ZNF273: variants seen among roughly 807,000 people sequenced by gnomAD.
The protein encoded by ZNF273 is zinc finger protein 9.
Under a neutral mutation model 14.9 loss-of-function variants are expected in ZNF273, and 11 were observed. The observed-to-expected ratio is 0.74, with a 90% CI of 0.46 to 1.22. ZNF273 has a LOEUF of 1.22. Among genes scored for constraint, ZNF273 ranks in the 50% most tolerant of loss-of-function variants. The pLI, the probability that ZNF273 is intolerant of heterozygous loss-of-function variation, is 0.00. For missense variants in ZNF273, 577 were observed against 660.6 expected (o/e 0.87, Z 1.39); for synonymous variants, 199 against 223.9 (o/e 0.89, Z 0.99).
chr7:64,895,000 G>A (rs376757685), intron 3 of ZNF273, among the ~76,000 whole-genome samples: 2 of 152,144 alleles, frequency 1.3e-5, no homozygotes, highest in Non-Finnish European at 2.9e-5. Context: ...AGCTGGGCAT[G>A]GCAGCGTGTA....
At chr7:64,894,402 T>C (rs1203667767), downstream of ZNF273, among the ~76,000 whole-genome samples, 1 of 152,218 alleles carries the variant, frequency 6.6e-6, no homozygotes, top group African/African-American at 2.4e-5. Flanking sequence ...AACTTTATTA[T>C]GTTTTAGGTA....
Position 64,888,710 on chromosome 7 carries a change from G to T in ZNF273, n.411G>T. On this transcript the variant is annotated non_coding_transcript_exon_variant, in exon 2 of 2. Coordinates refer to the ZNF273 transcript ENST00000471926. ...GGGGTGAGAGGTCCGGCTCCTGGAG[G>T]ACAGCGGGATGGGAGAGTCCCGTTC... is the stretch of plus-strand genomic sequence containing the variant. 7.1e-6 allele frequency: 7 copies of T among 985,734 alleles called. No individual in the cohort carries two copies. In the South Asian group the frequency reaches 3.3e-4, roughly 46 times the overall value. 61.1% of individuals were successfully genotyped at this position (985,734 alleles called of 1,614,324 possible).
chr7:64,883,275 G>T (rs1222804762), downstream of ZNF273, among the ~76,000 whole-genome samples: 3 of 146,286 alleles, frequency 2.1e-5, no homozygotes, highest in Non-Finnish European at 4.5e-5. Flanking sequence ...CACCCAAGAA[G>T]AGAAACCTCC....
chr7:64,898,366 T>TAAAC (rs1792488205), upstream of ZNF273, among the ~76,000 whole-genome samples: 1 of 152,180 alleles, frequency 6.6e-6, no homozygotes, highest in East Asian at 1.9e-4. Context: ...AACACTCGTT[T>TAAAC]GAGTGTTCTT....
downstream of ZNF273, among the ~76,000 whole-genome samples, chr7:64,932,694 G>A (rs1368419024): frequency 6.6e-6 from 1 of 152,032 alleles, no homozygotes; most frequent in African/African-American, 2.4e-5. Context: ...GCCTGAGCTG[G>A]GTGGATTACT....
downstream of ZNF273, among the ~76,000 whole-genome samples, chr7:64,882,020 T>C (rs4718154): frequency 0.45 from 69,016 of 151,962 alleles, 15,871 homozygotes; most frequent in Middle Eastern, 0.5. Context: ...CCGTGTCCTT[T>C]CCTTTGTCGT....
At chr7:64,901,934 C>G (rs370122710), upstream of ZNF273, among the ~76,000 whole-genome samples, 1 of 151,684 alleles carries the variant, frequency 6.6e-6, no homozygotes, top group Non-Finnish European at 1.5e-5. Flanking sequence ...CAAAAAGCAC[C>G]GCTGCTTCGG....
intron 1 of ZNF273, among the ~76,000 whole-genome samples, chr7:64,903,801 G>A (rs1004857660): frequency 2.0e-5 from 3 of 152,166 alleles, no homozygotes; most frequent in Non-Finnish European, 4.4e-5. Flanking sequence ...AAGTCACCGC[G>A]AAAATATTAA....
intron 1 of ZNF273, among the ~76,000 whole-genome samples, chr7:64,904,174 C>G (rs1036364446): frequency 1.3e-5 from 2 of 152,118 alleles, no homozygotes; most frequent in Non-Finnish European, 2.9e-5. Flanking sequence ...CTGCAACCAA[C>G]GCCTCCCGGG....
intron 1 of ZNF273, among the ~76,000 whole-genome samples, chr7:64,904,178 TC>T (rs1792929242): frequency 6.6e-6 from 1 of 152,044 alleles, no homozygotes; most frequent in South Asian, 2.1e-4. Context: ...AACCAACGCC[TC>T]CCGGGTTCAT....
At position 64,928,374 on chromosome 7, in the gene ZNF273, A is replaced by G. The variant is rs148876846; in HGVS notation, c.1046A>G (p.Asn349Ser). The change falls in exon 4 of 4, where the codon AAT becomes AGT. Residue 349 changes from asparagine (N) to serine (S), a missense_variant. Coordinates refer to ENST00000476120, the MANE Select transcript of ZNF273 (RefSeq NM_021148.3). ...IHTGEKPYKCNECGKAFNWSS... is the reference protein window; with the variant it reads ...IHTGEKPYKCSECGKAFNWSS... ...ACTGGAGAGAAACCCTACAAATGCA[A>G]TGAATGTGGTAAAGCCTTTAACTGG... 6.2e-6 allele frequency: 10 copies of G among 1,613,716 alleles called. No homozygotes were observed. Among genetic ancestry groups the G allele is most frequent in the African/African-American group, 1.3e-5 (1 of 74,926 alleles).
intron 1 of ZNF273, among the ~76,000 whole-genome samples, chr7:64,911,844 C>T (rs1367759449): frequency 3.3e-5 from 5 of 152,122 alleles, no homozygotes; most frequent in African/African-American, 9.7e-5. Context: ...ATCTTTCTAA[C>T]TTTTTGATGT....
At chr7:64,932,585 C>T (rs1053290483), downstream of ZNF273, among the ~76,000 whole-genome samples, 6 of 151,970 alleles carry the variant, frequency 3.9e-5, no homozygotes, top group Admixed American at 1.3e-4. Flanking sequence ...ATTACAGGCG[C>T]GAGCCACTGC....
chr7:64,911,764 G>T (rs1428068963), intron 1 of ZNF273, among the ~76,000 whole-genome samples: 1 of 151,346 alleles, frequency 6.6e-6, no homozygotes, highest in Non-Finnish European at 1.5e-5. Context: ...GTTTTTTCTT[G>T]TCTTCTGCTA....
chr7:64,905,119 T>C lies in ZNF273; in HGVS notation c.102+1700T>C, dbSNP rs1583982379. The stretch of plus-strand genomic sequence containing the variant: ...GCATCTCCTGGTGCACTTTTTTTTT[T>C]TTTTTTTTTTTTTTTTGAGACAGTC... On this transcript the variant is annotated intron_variant, in intron 1 of 3. Coordinates refer to ENST00000476120, the MANE Select transcript of ZNF273 (RefSeq NM_021148.3). Among the ~76,000 whole-genome samples the C allele has an allele frequency of 2.8e-5, 4 of 141,556 alleles. No individual in the cohort carries two copies. In the East Asian group the frequency reaches 6.1e-4, roughly 21 times the overall value. The allele number at this position is 141,556 out of a possible 152,430, so 92.9% of individuals were successfully genotyped here.
At position 64,930,892 on chromosome 7, in the gene ZNF273, CTAAATTGTTAT is replaced by C. The variant is rs1794977546; in HGVS notation, c.*1855_*1865del. 1 of 151,946 alleles carries C rather than the reference CTAAATTGTTAT, an allele frequency of 6.6e-6. No homozygotes were observed. The highest frequency in any genetic ancestry group is 1.5e-5 in the Non-Finnish European group (1 of 67,950). The allele number at this position is 151,946 out of a possible 1,614,324, so 9.4% of individuals were successfully genotyped here. A position where few individuals can be genotyped will look rare whatever the true frequency, so the allele number is the denominator to read the frequency against. ...TTGTATTTTATTTTAAAATGTACAACTAAATTGTTATGGACTACAGGGTTATTTTTATGGTC... is the reference window on the plus strand; with the variant it reads ...TTGTATTTTATTTTAAAATGTACAACGGACTACAGGGTTATTTTTATGGTC... On this transcript the variant is annotated 3_prime_UTR_variant, in exon 4 of 4. Coordinates refer to ENST00000476120, the MANE Select transcript of ZNF273 (RefSeq NM_021148.3).
upstream of ZNF273, among the ~76,000 whole-genome samples, chr7:64,902,903 G>C (rs1349728362): frequency 3.9e-5 from 6 of 152,192 alleles, no homozygotes; most frequent in South Asian, 8.3e-4. Context: ...AGGCAGGTTT[G>C]CCCTAAGCAG....
At chr7:64,916,407 C>T (rs1047522871) in intron 1 of ZNF273, among the ~76,000 whole-genome samples, 21 of 148,794 alleles carry the variant, frequency 1.4e-4, no homozygotes, top group African/African-American at 5.2e-4. Flanking sequence ...GGCATGGCAG[C>T]GGCGGCAGGC....
intron 3 of ZNF273, chr7:64,924,285 G>A (rs1353425919): frequency 6.6e-6 from 1 of 152,104 alleles, no homozygotes; most frequent in Non-Finnish European, 1.5e-5. Context: ...CTATTGATAA[G>A]GGTGTGTATC....
Sources: allele counts gnomAD v4.1 joint callset (sites outside exome capture counted in the v4.1 genomes callset), GRCh38; gene constraint gnomAD v4.1.1; transcripts MANE v1.5; gene names NCBI Gene and HGNC (gene_info 2026-07-23, HGNC 2026-07-21).